NAE1: variants seen among roughly 807,000 people sequenced by gnomAD.
NAE1 encodes the protein NEDD8-activating enzyme E1 regulatory subunit.
NAE1 carries 59 observed loss-of-function variants against 88.0 expected under a neutral mutation model. The ratio of observed to expected loss-of-function variants is 0.67; its 90% CI spans 0.54 to 0.83. The LOEUF is 0.83. NAE1 is among the 40% of genes least tolerant of loss of function. The pLI, the probability that NAE1 is intolerant of heterozygous loss-of-function variation, is 0.00. For missense variants in NAE1, 554 were observed against 632.8 expected (o/e 0.88, Z 1.34); for synonymous variants, 186 against 208.9 (o/e 0.89, Z 0.95).
chr16:66,816,225 G>A (rs1960039572), intron 11 of NAE1, among the ~76,000 whole-genome samples: 1 of 152,054 alleles, frequency 6.6e-6, no homozygotes, highest in African/African-American at 2.4e-5. Flanking sequence ...GAGTGCAGTG[G>A]TGTAATCTTG....
intron 19 of NAE1, among the ~76,000 whole-genome samples, chr16:66,805,425 C>T (rs1242431903): frequency 6.6e-6 from 1 of 151,864 alleles, no homozygotes; most frequent in African/African-American, 2.4e-5. Context: ...AGTATAGGGG[C>T]AACTGAATAA....
chr16:66,817,252 A>T, intron 9 of NAE1, 173 bp downstream of exon 9: 1 of 884,430 alleles, frequency 1.1e-6, no homozygotes, highest in Non-Finnish European at 1.7e-6. Flanking sequence ...TTTTAATTAA[A>T]ATTATCAGGA....
rs753220826 is a variant in NAE1, at chr16:66,802,983, C to T, written c.*26G>A. 5.0e-5 allele frequency: 70 copies of T among 1,396,488 alleles called. No homozygotes were observed. The South Asian group carries it at 7.9e-4, about 16-fold the overall frequency. 86.5% of individuals were successfully genotyped at this position (1,396,488 alleles called of 1,614,324 possible). A position where few individuals can be genotyped will look rare whatever the true frequency, so the allele number is the denominator to read the frequency against. On this transcript the variant is annotated 3_prime_UTR_variant, in exon 20 of 20. Coordinates refer to ENST00000290810, the MANE Select transcript of NAE1 (RefSeq NM_003905.4). ...AGGCAATTACAGTTTCAATCATTAA[C>T]ACACTACTTAAGGTGCTTGCTTACT...
intron 17 of NAE1, 167 bp from the exon 18 acceptor site, chr16:66,806,193 C>CA: frequency 5.7e-6 from 4 of 701,894 alleles, no homozygotes; most frequent in Non-Finnish European, 8.4e-6. Context: ...AACCTATAAT[C>CA]AGAGACCAAC....
At chr16:66,824,192 T>C (rs1361536076) in intron 4 of NAE1, among the ~76,000 whole-genome samples, 1 of 152,234 alleles carries the variant, frequency 6.6e-6, no homozygotes, top group Non-Finnish European at 1.5e-5. Context: ...AGGGATATCC[T>C]GGATCAAGTT....
Position 66,802,943 on chromosome 16 carries a change from TA to T in NAE1, c.*65del, listed in dbSNP as rs1410772123. The T allele has an allele frequency of 3.0e-6, 3 of 991,518 alleles. No homozygotes were observed. In the African/African-American group the frequency reaches 4.9e-5, roughly 16 times the overall value. 61.4% of individuals were successfully genotyped at this position (991,518 alleles called of 1,614,324 possible). ...AGCTCTCCTTTAGAATTTTACAGACTAAAGCACAACCCGAAGGCAATTACAG... is the reference window on the plus strand; with the variant it reads ...AGCTCTCCTTTAGAATTTTACAGACTAAGCACAACCCGAAGGCAATTACAG... On this transcript the variant is annotated 3_prime_UTR_variant, in exon 20 of 20. Transcript: ENST00000290810.
At chr16:66,821,361 G>A (rs1960250974) in intron 7 of NAE1, 89 bp downstream of exon 7, 1 of 1,370,276 alleles carries the variant, frequency 7.3e-7, no homozygotes, top group Non-Finnish European at 9.5e-7. Flanking sequence ...AATTTACTTT[G>A]TAATTTAAAA....
chr16:66,819,102 T>C lies in NAE1; in HGVS notation c.512-465A>G, dbSNP rs368505913. Among the ~76,000 whole-genome samples the C allele has an allele frequency of 1.1e-3, 160 of 152,324 alleles. 3 individuals carry two copies. The South Asian group carries it at 0.032, about 30-fold the overall frequency. On this transcript the variant is annotated intron_variant, in intron 7 of 19. Transcript: ENST00000290810. ...TTATTAAGGTACGATTTACATATAG[T>C]AAAATGCAGAAATCTTAAGTCAACT... is the stretch of plus-strand genomic sequence containing the variant.
At chr16:66,824,923 T>C (rs779761978) in intron 3 of NAE1, 38 bp from the exon 4 acceptor site, 2 of 1,569,558 alleles carry the variant, frequency 1.3e-6, no homozygotes, top group Non-Finnish European at 1.7e-6. Flanking sequence ...AAGTAAAGCT[T>C]ACTGACTATA....
At chr16:66,807,639 CAAAAG>C (rs1442117632) in intron 17 of NAE1, among the ~76,000 whole-genome samples, 3 of 114,978 alleles carry the variant, frequency 2.6e-5, no homozygotes, top group Non-Finnish European at 5.7e-5. Flanking sequence ...GACTCCGTCT[CAAAAG>C]AAAAAAAAAA....
intron 15 of NAE1, among the ~76,000 whole-genome samples, chr16:66,809,892 T>G (rs1959717359): frequency 6.6e-6 from 1 of 152,164 alleles, no homozygotes; most frequent in African/African-American, 2.4e-5. Flanking sequence ...AAAATGCTTT[T>G]GGCCTACTGA....
At position 66,807,232 on chromosome 16, in the gene NAE1, A is replaced by C. The variant is rs534048448; in HGVS notation, c.1331-1206T>G. ...ATTGTTTTAAACCACTAAGTTTTGA[A>C]GTGGTTTGTTATGCAACAGATAACT... On this transcript the variant is annotated intron_variant, in intron 17 of 19. Transcript: ENST00000290810. 2.0e-5 allele frequency among the ~76,000 whole-genome samples: 3 copies of C among 152,368 alleles called. No homozygotes were observed. In the South Asian group the frequency reaches 6.2e-4, roughly 32 times the overall value.
At position 66,810,758 on chromosome 16, in the gene NAE1, G is replaced by A; in HGVS notation, c.1049C>T (p.Ala350Val). The A allele has an allele frequency of 1.9e-6, 3 of 1,613,950 alleles. No homozygotes were observed. Among genetic ancestry groups the A allele is most frequent in the Non-Finnish European group, 2.5e-6 (3 of 1,179,956 alleles). ...ACCCACAGCGGCAGCATCTTTCTTT[G>A]CTTTTTCACGGTAACTAAAAAAGAA... ...IKLQNVYREK[A>V]KKDAAAVGNH... is the part of the protein sequence containing the mutation. Residue 350 changes from alanine to valine, a missense_variant, in exon 14 of 20, where the codon GCA becomes GTA. By Grantham distance (64) the Ala-to-Val change is moderately conservative (BLOSUM62 0). Transcript: ENST00000290810.
intron 13 of NAE1, among the ~76,000 whole-genome samples, chr16:66,812,022 G>A (rs1207675481): frequency 6.6e-6 from 1 of 152,192 alleles, no homozygotes; most frequent in Admixed American, 6.5e-5. Flanking sequence ...ACCCATCCCT[G>A]TGATAGTCTA....
At chr16:66,823,378 C>G in intron 5 of NAE1, 72 bp from the exon 6 acceptor site, 1 of 1,368,866 alleles carries the variant, frequency 7.3e-7, no homozygotes, top group South Asian at 1.3e-5. Context: ...ATGGCAGAGA[C>G]AGTTAAGCTA....
intron 1 of NAE1, among the ~76,000 whole-genome samples, chr16:66,830,464 T>A (rs527598289): frequency 6.6e-6 from 1 of 152,220 alleles, no homozygotes; most frequent in Non-Finnish European, 1.5e-5. Context: ...TTTATTTCCA[T>A]TGGACAGCGC....
intron 4 of NAE1, 21 bp downstream of exon 4, chr16:66,824,834 C>T (rs377691892): frequency 1.2e-6 from 2 of 1,601,200 alleles, no homozygotes; most frequent in African/African-American, 2.7e-5. Flanking sequence ...TCACATCCAA[C>T]TATATTCTCT....
intron 8 of NAE1, among the ~76,000 whole-genome samples, chr16:66,817,929 A>C (rs363207): frequency 8.3e-4 from 126 of 152,206 alleles, no homozygotes; most frequent in African/African-American, 3.0e-3. Context: ...ACTTCTTGGA[A>C]TTTTTTTATT....
chr16:66,829,534 C>G (rs1352985893), intron 1 of NAE1, among the ~76,000 whole-genome samples: 2 of 152,188 alleles, frequency 1.3e-5, no homozygotes, highest in Non-Finnish European at 2.9e-5. Flanking sequence ...AGGGTACTCT[C>G]AGAACTAAGT....
Sources: allele counts gnomAD v4.1 joint callset (sites outside exome capture counted in the v4.1 genomes callset), GRCh38; gene constraint gnomAD v4.1.1; transcripts MANE v1.5; gene names NCBI Gene and HGNC (gene_info 2026-07-23, HGNC 2026-07-21).